ETV1: variants seen among roughly 807,000 people sequenced by gnomAD.
The protein encoded by ETV1 is ETS variant transcription factor 1, also known as ETS translocation variant 1.
In ETV1, 27 loss-of-function variants were observed where a neutral mutation model predicts 62.3. The observed-to-expected ratio is 0.43, with a 90% CI of 0.32 to 0.60. The LOEUF (loss-of-function observed/expected upper bound fraction) is 0.60. ETV1 is among the 20% of genes least tolerant of loss of function. The pLI, the probability that ETV1 is intolerant of heterozygous loss-of-function variation, is 0.06. For synonymous variants in ETV1, 222 were observed against 199.6 expected (o/e 1.11, Z -0.94); for missense variants, 605 against 605.8 (o/e 1.00, Z 0.01).
chr7:13,972,290 G>A (rs1421332322), intron 6 of ETV1, among the ~76,000 whole-genome samples: 1 of 151,946 alleles, frequency 6.6e-6, no homozygotes, highest in Non-Finnish European at 1.5e-5. Context: ...AAATTGGCCG[G>A]GCATGGTGGT....
chr7:13,906,639 C>A, intron 11 of ETV1, 40 bp from the exon 12 acceptor site: 2 of 1,416,030 alleles, frequency 1.4e-6, no homozygotes, highest in Non-Finnish European at 1.9e-6. Context: ...ATTAGCAATA[C>A]TATGCTATCT....
intron 6 of ETV1, among the ~76,000 whole-genome samples, chr7:13,953,476 G>A (rs796259465): frequency 5.3e-5 from 8 of 152,224 alleles, no homozygotes; most frequent in African/African-American, 1.7e-4. Context: ...ATTTAGAAGA[G>A]ACTGGGAAGT....
chr7:13,907,661 T>C (rs1270330692), intron 11 of ETV1: 3 of 281,518 alleles, frequency 1.1e-5, no homozygotes, highest in Non-Finnish European at 2.3e-5. Flanking sequence ...GCCCTGCAAG[T>C]ATGTCATTGT....
At chr7:13,919,096 T>C (rs925039477) in intron 9 of ETV1, among the ~76,000 whole-genome samples, 7 of 152,166 alleles carry the variant, frequency 4.6e-5, no homozygotes, top group Non-Finnish European at 8.8e-5. Flanking sequence ...TCCTTTATTA[T>C]TGCCTGCACC....
At chr7:13,915,472 G>T (rs1288975053) in intron 9 of ETV1, among the ~76,000 whole-genome samples, 2 of 152,186 alleles carry the variant, frequency 1.3e-5, no homozygotes, top group Non-Finnish European at 2.9e-5. Flanking sequence ...CATAGTGACA[G>T]ATCTTGCCAA....
intron 13 of ETV1, among the ~76,000 whole-genome samples, chr7:13,896,675 TAAAG>T: frequency 5.2e-5 from 1 of 19,408 alleles, no homozygotes; most frequent in East Asian, 9.9e-4. Flanking sequence ...AGGAAAGAAA[TAAAG>T]AAAGAAAGAA....
intron 6 of ETV1, among the ~76,000 whole-genome samples, chr7:13,974,186 C>T (rs73278730): frequency 0.013 from 2,004 of 152,228 alleles, 44 homozygotes; most frequent in African/African-American, 0.046. Context: ...TAAGCTGAGT[C>T]TGAAATAGGA....
intron 6 of ETV1, among the ~76,000 whole-genome samples, chr7:13,972,189 T>C (rs138849874): frequency 7.6e-4 from 115 of 152,246 alleles, no homozygotes; most frequent in African/African-American, 2.6e-3. Flanking sequence ...CCTGCAATCC[T>C]AGCACTTCAG....
intron 6 of ETV1, among the ~76,000 whole-genome samples, chr7:13,970,925 A>T (rs1180404064): frequency 4.6e-5 from 7 of 151,300 alleles, no homozygotes; most frequent in African/African-American, 1.5e-4. Context: ...TTTCCACTTC[A>T]TTGAAAAAAA....
intron 6 of ETV1, among the ~76,000 whole-genome samples, chr7:13,960,283 C>G (rs2128482031): frequency 6.6e-6 from 1 of 152,244 alleles, no homozygotes; most frequent in South Asian, 2.1e-4. Flanking sequence ...ATATTATCAA[C>G]ATTGCTATTC....
At chr7:13,974,459 C>T (rs1379516819) in intron 6 of ETV1, among the ~76,000 whole-genome samples, 3 of 152,132 alleles carry the variant, frequency 2.0e-5, no homozygotes, top group East Asian at 1.9e-4. Flanking sequence ...AGAAAAGTAA[C>T]AAGGCCAAAT....
chr7:13,936,807 G>T (rs909000193), intron 7 of ETV1, among the ~76,000 whole-genome samples: 1 of 152,182 alleles, frequency 6.6e-6, no homozygotes, highest in South Asian at 2.1e-4. Context: ...TTGGGAGGCT[G>T]AGGTGGGAGG....
At chr7:13,988,319 C>G (rs531690236) in intron 3 of ETV1, 146 bp from the exon 4 acceptor site, 7 of 607,946 alleles carry the variant, frequency 1.2e-5, no homozygotes, top group African/African-American at 1.1e-4. Context: ...TCCATAGTAT[C>G]AACTCTAATA....
chr7:13,900,983 G>C, intron 12 of ETV1, 144 bp from the exon 13 acceptor site: 1 of 523,862 alleles, frequency 1.9e-6, no homozygotes. Flanking sequence ...ATCGTAATCT[G>C]GATTTCCTGT....
At chr7:13,977,218 C>A (rs373838000) in intron 6 of ETV1, among the ~76,000 whole-genome samples, 3 of 152,250 alleles carry the variant, frequency 2.0e-5, no homozygotes, top group Non-Finnish European at 4.4e-5. Flanking sequence ...AGTTCTCTTC[C>A]GATATACAGA....
At chr7:13,931,773 C>A in intron 8 of ETV1, 24 bp from the exon 9 acceptor site, 1 of 1,609,604 alleles carries the variant, frequency 6.2e-7, no homozygotes, top group South Asian at 1.1e-5. Flanking sequence ...GAGTGTGTTT[C>A]AGATGAAACG....
chr7:13,900,706 CA>C, intron 13 of ETV1, 31 bp downstream of exon 13: 1 of 1,408,286 alleles, frequency 7.1e-7, no homozygotes, highest in Non-Finnish European at 9.9e-7. Context: ...TGCAACATTT[CA>C]ATGAATTTTA....
intron 6 of ETV1, among the ~76,000 whole-genome samples, chr7:13,946,754 T>A (rs577111059): frequency 6.6e-6 from 1 of 152,292 alleles, no homozygotes; most frequent in East Asian, 1.9e-4. Flanking sequence ...GGGGAGAATA[T>A]GAATTTATTT....
chr7:13,942,020 C>CTTTTTT (rs560415338), intron 6 of ETV1, among the ~76,000 whole-genome samples: 3 of 99,754 alleles, frequency 3.0e-5, no homozygotes, highest in Admixed American at 1.1e-4. Context: ...CCATGCATTT[C>CTTTTTT]TTTTTTTTTT....
Sources: allele counts gnomAD v4.1 joint callset (sites outside exome capture counted in the v4.1 genomes callset), GRCh38; gene constraint gnomAD v4.1.1; transcripts MANE v1.5; gene names NCBI Gene and HGNC (gene_info 2026-07-23, HGNC 2026-07-21).